The following CTNNA2 variants were observed in gnomAD, a reference collection of about 807,000 sequenced individuals.
CTNNA2 encodes catenin alpha 2.
A neutral mutation model predicts 101.0 loss-of-function variants in CTNNA2; 42 were observed. That is an observed-to-expected ratio of 0.42 (90% confidence interval 0.32 to 0.54). The LOEUF (loss-of-function observed/expected upper bound fraction) is 0.54. Ranked by LOEUF, CTNNA2 falls within the 20% of genes least tolerant of loss-of-function variation. The pLI, the probability that CTNNA2 is intolerant of heterozygous loss-of-function variation, is 0.14. For missense variants in CTNNA2, 871 were observed against 1,223.1 expected (o/e 0.71, Z 4.29); for synonymous variants, 450 against 456.4 (o/e 0.99, Z 0.18).
chr2:79,658,153 A>T (rs1353450258), intron 2 of CTNNA2, among the ~76,000 whole-genome samples: 1 of 151,952 alleles, frequency 6.6e-6, no homozygotes, highest in Non-Finnish European at 1.5e-5. Flanking sequence ...TTTTAATTTC[A>T]TTTGCAGTTT....
At chr2:80,417,652 C>G (rs953195103) in intron 8 of CTNNA2, among the ~76,000 whole-genome samples, 5 of 151,330 alleles carry the variant, frequency 3.3e-5, no homozygotes, top group Non-Finnish European at 2.9e-5. Flanking sequence ...TTTTCTTATT[C>G]TAATTTATCA....
chr2:80,554,140 A>C (rs1023652620), intron 11 of CTNNA2, among the ~76,000 whole-genome samples: 3 of 152,164 alleles, frequency 2.0e-5, no homozygotes, highest in Admixed American at 6.5e-5. Flanking sequence ...GCAATTTTCT[A>C]TCCTGTGTCC....
chr2:79,231,628 A>C (rs1674494538), intron 2 of CTNNA2, among the ~76,000 whole-genome samples: 1 of 152,166 alleles, frequency 6.6e-6, no homozygotes, highest in Non-Finnish European at 1.5e-5. Context: ...ATATCATTAA[A>C]TATATAAATT....
chr2:79,443,068 G>C (rs772618897), intron 4 of CTNNA2, among the ~76,000 whole-genome samples: 2 of 152,122 alleles, frequency 1.3e-5, no homozygotes, highest in African/African-American at 2.4e-5. Context: ...ATGTTCTATT[G>C]GCTCATCTCC....
intron 3 of CTNNA2, among the ~76,000 whole-genome samples, chr2:79,315,198 A>G (rs1676467323): frequency 6.6e-6 from 1 of 152,020 alleles, no homozygotes; most frequent in Non-Finnish European, 1.5e-5. Flanking sequence ...CTTATAGTCT[A>G]TTTATTTCTT....
intron 2 of CTNNA2, among the ~76,000 whole-genome samples, chr2:79,300,205 C>G (rs1333838352): frequency 1.3e-5 from 2 of 152,124 alleles, no homozygotes; most frequent in Admixed American, 6.6e-5. Flanking sequence ...TGCCACAAAC[C>G]CCGGCAACCA....
intron 12 of CTNNA2, among the ~76,000 whole-genome samples, chr2:80,561,731 G>A (rs1693610944): frequency 6.6e-6 from 1 of 152,048 alleles, no homozygotes. Context: ...GGCAGTCTCT[G>A]CTCACTGCAA....
intron 2 of CTNNA2, among the ~76,000 whole-genome samples, chr2:79,710,294 C>T (rs896945722): frequency 3.3e-5 from 5 of 152,216 alleles, no homozygotes; most frequent in African/African-American, 7.2e-5. Flanking sequence ...CTTTTATCCA[C>T]GTTACAACTA....
chr2:79,878,574 T>A (rs1369408197), intron 6 of CTNNA2, among the ~76,000 whole-genome samples: 1 of 152,248 alleles, frequency 6.6e-6, no homozygotes, highest in African/African-American at 2.4e-5. Flanking sequence ...TTTGCATTTG[T>A]CTAATGATGA....
intron 1 of CTNNA2, among the ~76,000 whole-genome samples, chr2:79,530,876 C>CA (rs1335684261): frequency 6.6e-6 from 1 of 151,654 alleles, no homozygotes; most frequent in Non-Finnish European, 1.5e-5. Flanking sequence ...ACAGAACACT[C>CA]AGGATAGTGA....
In CTNNA2 at chr2:80,545,845, C is replaced by A. The variant is rs1056754217; in HGVS notation, c.1384-62C>A. ...TGCATGGTTTTAACATGGTCTTTGA[C>A]CGGCTTATTCCTCTTTTGAAGTGTG... On this transcript the variant is annotated intron_variant, in intron 10 of 18. Transcript: ENST00000402739. 24 of 1,559,700 alleles carry A rather than the reference C, an allele frequency of 1.5e-5. No individual in the cohort carries two copies. The African/African-American group carries it at 2.8e-4, about 18-fold the overall frequency.
At chr2:79,235,629 C>T (rs2104245995) in intron 2 of CTNNA2, among the ~76,000 whole-genome samples, 1 of 152,318 alleles carries the variant, frequency 6.6e-6, no homozygotes, top group South Asian at 2.1e-4. Context: ...TCCATAGGCC[C>T]ATGAACCCAA....
intron 7 of CTNNA2, chr2:80,288,779 T>C (rs1674988653): frequency 6.6e-6 from 1 of 152,072 alleles, no homozygotes; most frequent in Admixed American, 6.6e-5. Flanking sequence ...TGGTAGAAAA[T>C]AAAACAAAAA....
chr2:79,262,173 A>G (rs1344421827), intron 2 of CTNNA2, among the ~76,000 whole-genome samples: 7 of 152,192 alleles, frequency 4.6e-5, no homozygotes, highest in Admixed American at 3.9e-4. Context: ...GGGAAAAAAT[A>G]CAATAAAATA....
rs1296483156 is a variant in CTNNA2 at position 80,601,417 on chromosome 2, CTTTCTT to C, written c.2190-2653_2190-2648del. 5.3e-5 allele frequency among the ~76,000 whole-genome samples: 5 copies of C among 94,212 alleles called. No individual in the cohort carries two copies. In the South Asian group the frequency reaches 9.7e-4, roughly 18 times the overall value. 61.8% of individuals were successfully genotyped at this position (94,212 alleles called of 152,430 possible). A position where few individuals can be genotyped will look rare whatever the true frequency, so the allele number is the denominator to read the frequency against. ...GATTTAATGACTTTTTTCTTTCTTT[CTTTCTT>C]TTTTTTTTTTTTTGATGAGTTCTAT... On this transcript the variant is annotated intron_variant, in intron 15 of 18. Transcript: ENST00000402739.
chr2:80,418,466 A>C (rs1680227332), intron 8 of CTNNA2, among the ~76,000 whole-genome samples: 1 of 152,196 alleles, frequency 6.6e-6, no homozygotes, highest in African/African-American at 2.4e-5. Context: ...ATAAGGTAAA[A>C]TGTCAGACAC....
intron 4 of CTNNA2, among the ~76,000 whole-genome samples, chr2:79,431,021 A>C (rs1678654301): frequency 6.6e-6 from 1 of 152,144 alleles, no homozygotes; most frequent in African/African-American, 2.4e-5. Flanking sequence ...TGCTGGAAGA[A>C]TGAGGTTGTT....
chr2:79,993,623 G>T, intron 7 of CTNNA2, among the ~76,000 whole-genome samples: 1 of 152,166 alleles, frequency 6.6e-6, no homozygotes, highest in East Asian at 1.9e-4. Flanking sequence ...GGATGCTTGA[G>T]CAAGAGTCTA....
intron 2 of CTNNA2, among the ~76,000 whole-genome samples, chr2:79,719,402 GATTTATTTTCCTTTCA>G (rs1371328888): frequency 6.6e-6 from 1 of 152,124 alleles, no homozygotes; most frequent in African/African-American, 2.4e-5. Flanking sequence ...TTGGTACAAT[GATTTATTTTCCTTTCA>G]GTATATAACC....
Sources: allele counts gnomAD v4.1 joint callset (sites outside exome capture counted in the v4.1 genomes callset), GRCh38; gene constraint gnomAD v4.1.1; transcripts MANE v1.5; gene names NCBI Gene and HGNC (gene_info 2026-07-23, HGNC 2026-07-21).